The following PDE4D variants were observed in gnomAD, a reference collection of about 807,000 sequenced individuals.
The protein encoded by PDE4D is phosphodiesterase 4D.
A neutral mutation model predicts 87.4 loss-of-function variants in PDE4D; 24 were observed. That is an observed-to-expected ratio of 0.27 (90% CI 0.20 to 0.39). PDE4D has a LOEUF of 0.39. Ranked by LOEUF, PDE4D falls within the 10% of genes least tolerant of loss-of-function variation. PDE4D has a pLI of 1.00. For missense variants in PDE4D, 714 were observed against 1,041.0 expected (o/e 0.69, Z 4.32); for synonymous variants, 384 against 383.2 (o/e 1.00, Z -0.02).
At chr5:59,301,163 ACT>A (rs935957358) in intron 1 of PDE4D, among the ~76,000 whole-genome samples, 1 of 151,692 alleles carries the variant, frequency 6.6e-6, no homozygotes, top group East Asian at 2.0e-4. Flanking sequence ...ATAGGGCAGT[ACT>A]CTCTCTGGGG....
intron 1 of PDE4D, among the ~76,000 whole-genome samples, chr5:59,655,394 C>T (rs924443210): frequency 3.3e-5 from 5 of 152,100 alleles, no homozygotes; most frequent in Admixed American, 1.3e-4. Flanking sequence ...TGATAAGTTC[C>T]TCACTGCAAT....
At chr5:59,863,501 C>T (rs989906490) in intron 1 of PDE4D, among the ~76,000 whole-genome samples, 5 of 151,942 alleles carry the variant, frequency 3.3e-5, no homozygotes, top group Admixed American at 6.6e-5. Flanking sequence ...AATGAAGCAC[C>T]GAATATCTTT....
At chr5:59,373,615 G>C (rs1784283520) in intron 1 of PDE4D, among the ~76,000 whole-genome samples, 1 of 152,138 alleles carries the variant, frequency 6.6e-6, no homozygotes, top group South Asian at 2.1e-4. Context: ...ATATTTCAGA[G>C]TGTTATCCAT....
At chr5:59,521,127 T>G (rs1188550130) in intron 1 of PDE4D, among the ~76,000 whole-genome samples, 2 of 151,118 alleles carry the variant, frequency 1.3e-5, no homozygotes, top group Non-Finnish European at 2.9e-5. Flanking sequence ...AAAAAAAATC[T>G]CTGCTGCAAA....
At chr5:60,264,433 C>T (rs927390124) in intron 1 of PDE4D, among the ~76,000 whole-genome samples, 1 of 152,198 alleles carries the variant, frequency 6.6e-6, no homozygotes, top group Non-Finnish European at 1.5e-5. Flanking sequence ...AGAATGAAAG[C>T]TCTCTGCCTC....
chr5:60,441,496 C>G (rs1462252273), intron 1 of PDE4D, among the ~76,000 whole-genome samples: 3 of 152,096 alleles, frequency 2.0e-5, no homozygotes, highest in Non-Finnish European at 4.4e-5. Context: ...AGAAGAAAAC[C>G]TAGGCAATAC....
In PDE4D at chr5:58,990,812, T is replaced by C; in HGVS notation, c.1279A>G (p.Ile427Val). Residue 427 changes from isoleucine to valine, a missense_variant, in exon 9 of 15, where the codon ATT (isoleucine) becomes GTT (valine). Coordinates refer to ENST00000340635, the MANE Select transcript of PDE4D (RefSeq NM_001104631.2). ...GAACTCAACCACCTTACCTGAAAAA[T>C]GGTGTGCATGATAACAGTCAAGGGC... is the stretch of plus-strand genomic sequence containing the variant. ...NRPLTVIMHTIFQERDLLKTF... is the reference protein window; with the variant it reads ...NRPLTVIMHTVFQERDLLKTF... The C allele has an allele frequency of 4.5e-6, 7 of 1,563,496 alleles. No individual in the cohort carries two copies. The highest frequency in any genetic ancestry group is 6.1e-6 in the Non-Finnish European group (7 of 1,141,656).
intron 1 of PDE4D, among the ~76,000 whole-genome samples, chr5:59,239,296 C>A (rs1757150519): frequency 6.6e-6 from 1 of 152,106 alleles, no homozygotes; most frequent in Non-Finnish European, 1.5e-5. Context: ...TGCTGAAATG[C>A]CTCCTCACCG....
At chr5:59,769,124 A>T (rs2152595708) in intron 1 of PDE4D, among the ~76,000 whole-genome samples, 1 of 152,174 alleles carries the variant, frequency 6.6e-6, no homozygotes, top group East Asian at 1.9e-4. Context: ...CTACACAAGG[A>T]GAAATACTTC....
chr5:59,279,765 G>A (rs1765477893), intron 1 of PDE4D, among the ~76,000 whole-genome samples: 1 of 151,562 alleles, frequency 6.6e-6, no homozygotes, highest in Admixed American at 6.6e-5. Flanking sequence ...TCCAAAGCTT[G>A]CTCTTCATGA....
chr5:60,489,673 C>T (rs187532494), upstream of PDE4D: 17 of 152,242 alleles, frequency 1.1e-4, no homozygotes, highest in Admixed American at 5.2e-4. Flanking sequence ...CTGCTGCCTT[C>T]GGTGACTATA....
chr5:59,359,844 T>C (rs1296057374), intron 1 of PDE4D, among the ~76,000 whole-genome samples: 2 of 152,174 alleles, frequency 1.3e-5, no homozygotes, highest in African/African-American at 4.8e-5. Context: ...AATTATTATG[T>C]TTACAAGTTG....
chr5:59,567,169 T>C (rs1341447410), intron 1 of PDE4D, among the ~76,000 whole-genome samples: 1 of 152,204 alleles, frequency 6.6e-6, no homozygotes, highest in Non-Finnish European at 1.5e-5. Flanking sequence ...CTTCAGTGTG[T>C]TCCTAACCAT....
intron 1 of PDE4D, among the ~76,000 whole-genome samples, chr5:59,719,129 T>C (rs1246213947): frequency 1.3e-5 from 2 of 152,082 alleles, no homozygotes; most frequent in African/African-American, 4.8e-5. Context: ...CAAAATGAAT[T>C]TCTACCCCAA....
intron 5 of PDE4D, among the ~76,000 whole-genome samples, chr5:59,153,657 A>G (rs1340902883): frequency 6.6e-6 from 1 of 152,168 alleles, no homozygotes; most frequent in Admixed American, 6.5e-5. Context: ...CTTCAGGTCT[A>G]TTGAACACAG....
chr5:59,312,592 T>G (rs967033179), intron 1 of PDE4D, among the ~76,000 whole-genome samples: 1 of 152,286 alleles, frequency 6.6e-6, no homozygotes, highest in African/African-American at 2.4e-5. Context: ...AGGAAACTTA[T>G]TAAGCACACC....
At chr5:59,963,158 C>T (rs1194889268) in intron 3 of PDE4D, among the ~76,000 whole-genome samples, 1 of 152,158 alleles carries the variant, frequency 6.6e-6, no homozygotes, top group Non-Finnish European at 1.5e-5. Flanking sequence ...TTCCTCTCTA[C>T]CTTGCTTTTG....
At chr5:60,049,704 G>A (rs1374231055) in intron 2 of PDE4D, among the ~76,000 whole-genome samples, 1 of 152,238 alleles carries the variant, frequency 6.6e-6, no homozygotes, top group Non-Finnish European at 1.5e-5. Context: ...GGACCCATCT[G>A]AGGAGGCAGT....
At chr5:59,172,364 T>TTATATATAATA (rs1783144304) in intron 5 of PDE4D, among the ~76,000 whole-genome samples, 1 of 134,784 alleles carries the variant, frequency 7.4e-6, no homozygotes, top group African/African-American at 2.8e-5. Context: ...TTTGTATATA[T>TTATATATAATA]TATATATAAT....
Sources: gnomAD v4.1 joint callset for allele counts (sites outside exome capture counted in the v4.1 genomes callset) on GRCh38, gnomAD v4.1.1 for gene constraint, MANE v1.5 for transcripts, NCBI Gene and HGNC (gene_info 2026-07-23, HGNC 2026-07-21) for gene names.